The following ACKR3 variants were observed in gnomAD, a reference collection of about 807,000 sequenced individuals.
ACKR3 encodes the protein C-X-C chemokine receptor type 7.
Under a neutral mutation model 22.4 loss-of-function variants are expected in ACKR3, and 6 were observed. The ratio of observed to expected loss-of-function variants is 0.27; its 90% CI spans 0.15 to 0.53. The LOEUF (loss-of-function observed/expected upper bound fraction) is 0.53, where lower values mean the gene tolerates loss of function less well. ACKR3 is among the 20% of genes least tolerant of loss of function. The pLI is 0.96. For synonymous variants in ACKR3, 209 were observed against 205.2 expected (o/e 1.02, Z -0.16); for missense variants, 396 against 475.2 (o/e 0.83, Z 1.55).
the ACKR3 span, among the ~76,000 whole-genome samples, chr2:236,548,787 A>G: frequency 6.6e-6 from 1 of 152,244 alleles, no homozygotes; most frequent in African/African-American, 2.4e-5. This position sits in a 1 kb window ranked among gnomAD's most constrained non-coding sequence, Gnocchi z 4.3. Flanking sequence ...AAAAACTCAC[A>G]TAAGCACAGT....
the ACKR3 span, among the ~76,000 whole-genome samples, chr2:236,547,822 C>T: frequency 6.6e-6 from 1 of 151,354 alleles, no homozygotes; most frequent in African/African-American, 2.4e-5. Context: ...AAGATCTTCC[C>T]TCTTATCTTT....
chr2:236,545,579 G>A, the ACKR3 span, among the ~76,000 whole-genome samples: 1 of 152,182 alleles, frequency 6.6e-6, no homozygotes. The surrounding 1 kb of genome is among the most constrained non-coding windows in gnomAD (Gnocchi z 5.3). Context: ...AAATATTAGG[G>A]CTCCGGGGAA....
intron 1 of ACKR3, among the ~76,000 whole-genome samples, chr2:236,572,542 C>T (rs890542027): frequency 6.6e-5 from 10 of 152,234 alleles, no homozygotes; most frequent in African/African-American, 2.2e-4. Context: ...CCTAAGTTTG[C>T]ACAGTGTCCT....
At chr2:236,547,164 T>G in the ACKR3 span, among the ~76,000 whole-genome samples, 1 of 152,212 alleles carries the variant, frequency 6.6e-6, no homozygotes, top group African/African-American at 2.4e-5. Flanking sequence ...TTCTAGAAAC[T>G]GCAGAAAACC....
chr2:236,563,885 G>T (rs1174049645), upstream of ACKR3, among the ~76,000 whole-genome samples: 1 of 152,200 alleles, frequency 6.6e-6, no homozygotes, highest in Non-Finnish European at 1.5e-5. Flanking sequence ...TATCTGAGGG[G>T]CTGCACCCTC....
In ACKR3 at chr2:236,581,015, A is replaced by G. The variant is rs145227265; in HGVS notation, c.550A>G (p.Lys184Glu). Residue 184 changes from lysine (K) to glutamate (E), a missense_variant, in exon 2 of 2, where the codon AAG becomes GAG. Lys to Glu is a moderately conservative substitution (Grantham distance 56). Transcript: ENST00000272928. The surrounding 1 kb of genome is among the most constrained non-coding windows in gnomAD (Gnocchi z 4.4). ...CVSLPDTYYL[K>E]TVTSASNNET... ...GTCTCTGCCTGACACCTACTACCTG[A>G]AGACCGTCACGTCTGCGTCCAACAA... 20 of 1,613,882 alleles carry G rather than the reference A, an allele frequency of 1.2e-5. No homozygotes were observed. Among genetic ancestry groups the G allele is most frequent in the Non-Finnish European group, 1.6e-5 (19 of 1,180,018 alleles).
At chr2:236,543,240 T>G in the ACKR3 span, among the ~76,000 whole-genome samples, 2 of 152,146 alleles carry the variant, frequency 1.3e-5, no homozygotes, top group African/African-American at 4.8e-5. Flanking sequence ...GGATCTCTCT[T>G]GGACTCAGGG....
rs1691545161 is a variant in ACKR3, at chr2:236,581,763, A to G, written c.*209A>G. The stretch of plus-strand genomic sequence containing the variant: ...GCGTGCTGACAGTTTTGCAACAGGC[A>G]GAGCTGTGTCGCACAGCAGTGCTGT... On this transcript the variant is annotated 3_prime_UTR_variant, in exon 2 of 2. Transcript: ENST00000272928. The surrounding 1 kb of genome is among the most constrained non-coding windows in gnomAD (Gnocchi z 4.4). 1 of 621,518 alleles carries G rather than the reference A, an allele frequency of 1.6e-6. No individual in the cohort carries two copies. Among genetic ancestry groups the G allele is most frequent in the Non-Finnish European group, 2.7e-6 (1 of 366,142 alleles). 38.5% of individuals were successfully genotyped at this position (621,518 alleles called of 1,614,324 possible). A position where few individuals can be genotyped will look rare whatever the true frequency, so the allele number is the denominator to read the frequency against.
chr2:236,561,643 C>T, the ACKR3 span, among the ~76,000 whole-genome samples: 1 of 152,134 alleles, frequency 6.6e-6, no homozygotes, highest in Non-Finnish European at 1.5e-5. Context: ...AGGTGTGTGC[C>T]ACCATGCCTG....
chr2:236,580,163 G>GCT (rs1691488647), intron 1 of ACKR3, among the ~76,000 whole-genome samples: 2 of 152,242 alleles, frequency 1.3e-5, no homozygotes, highest in South Asian at 4.1e-4. Context: ...CATGCTGGCG[G>GCT]TGTCTTGAGA....
upstream of ACKR3, among the ~76,000 whole-genome samples, chr2:236,565,693 C>A (rs2106494269): frequency 6.6e-6 from 1 of 152,292 alleles, no homozygotes. Flanking sequence ...GGATTAAATT[C>A]TTGGACTCAG....
intron 1 of ACKR3, among the ~76,000 whole-genome samples, chr2:236,575,439 T>C (rs1691389861): frequency 1.4e-5 from 2 of 146,652 alleles, no homozygotes; most frequent in Non-Finnish European, 3.0e-5. Context: ...TCTGGGGTTG[T>C]GCTGTGTGTG....
the ACKR3 span, among the ~76,000 whole-genome samples, chr2:236,548,368 A>G: frequency 6.6e-6 from 1 of 152,216 alleles, no homozygotes; most frequent in Admixed American, 6.5e-5. This position sits in a 1 kb window ranked among gnomAD's most constrained non-coding sequence, Gnocchi z 4.3. Flanking sequence ...CTGAATTCTT[A>G]GCCAAGATAT....
chr2:236,567,588 TGGGAG>T (rs1206702280), upstream of ACKR3, among the ~76,000 whole-genome samples: 1 of 152,128 alleles, frequency 6.6e-6, no homozygotes, highest in African/African-American at 2.4e-5. Flanking sequence ...TGGGACAGGG[TGGGAG>T]GCCCAAGGAG....
At chr2:236,542,252 A>T in the ACKR3 span, among the ~76,000 whole-genome samples, 8,814 of 152,328 alleles carry the variant, frequency 0.058, 326 homozygotes, top group Non-Finnish European at 0.093. Flanking sequence ...CCAATCAGCC[A>T]AGATGGGAGT....
upstream of ACKR3, among the ~76,000 whole-genome samples, chr2:236,563,414 T>TA (rs1691115491): frequency 6.6e-6 from 1 of 152,248 alleles, no homozygotes; most frequent in South Asian, 2.1e-4. Context: ...AGTGCACTGA[T>TA]ACCTTTGGAT....
At chr2:236,556,568 A>C in the ACKR3 span, among the ~76,000 whole-genome samples, 1 of 152,236 alleles carries the variant, frequency 6.6e-6, no homozygotes, top group Non-Finnish European at 1.5e-5. Flanking sequence ...GGTGGCCCCT[A>C]GTAGCTAAAA....
the ACKR3 span, among the ~76,000 whole-genome samples, chr2:236,557,283 C>T: frequency 1.4e-5 from 2 of 139,162 alleles, no homozygotes; most frequent in African/African-American, 5.9e-5. Flanking sequence ...TGTGTGTGTG[C>T]ATACGTATAG....
At chr2:236,578,603 C>T (rs1172289892) in intron 1 of ACKR3, among the ~76,000 whole-genome samples, 1 of 152,230 alleles carries the variant, frequency 6.6e-6, no homozygotes, top group African/African-American at 2.4e-5. Flanking sequence ...CAGTCATTTA[C>T]ATCCCGCAGA....
Sources: allele counts gnomAD v4.1 joint callset (sites outside exome capture counted in the v4.1 genomes callset), GRCh38; gene constraint gnomAD v4.1.1; non-coding constraint Gnocchi (gnomAD v3.1); transcripts MANE v1.5; gene names NCBI Gene and HGNC (gene_info 2026-07-23, HGNC 2026-07-21).